Variants in OPHN1 observed in about 807,000 individuals in gnomAD.
OPHN1 encodes the protein oligophrenin-1.
OPHN1 carries 11 observed loss-of-function variants against 60.7 expected under a neutral mutation model. That is an observed-to-expected ratio of 0.18 (90% CI 0.11 to 0.30). The LOEUF (loss-of-function observed/expected upper bound fraction) is 0.30. Among genes scored for constraint, OPHN1 ranks in the 10% least tolerant of loss-of-function variants. The pLI is 1.00. For synonymous variants in OPHN1, 226 were observed against 222.6 expected (o/e 1.02, Z -0.14); for missense variants, 449 against 611.0 (o/e 0.73, Z 2.80).
At chrX:68,233,347 A>T (rs1284686902) in intron 6 of OPHN1, among the ~76,000 whole-genome samples, 1 of 112,267 alleles carries the variant, frequency 8.9e-6, no homozygotes, top group Non-Finnish European at 1.9e-5. Flanking sequence ...CATGGACAAG[A>T]TGACAGCTCC....
intron 5 of OPHN1, among the ~76,000 whole-genome samples, chrX:68,258,688 C>T (rs2077878483): frequency 9.1e-6 from 1 of 109,755 alleles, no homozygotes; most frequent in Admixed American, 9.8e-5. Context: ...ATAACATTAC[C>T]ACATCAGCTG....
intron 2 of OPHN1, among the ~76,000 whole-genome samples, chrX:68,376,874 T>C (rs1453811104): frequency 9.0e-6 from 1 of 111,101 alleles, no homozygotes; most frequent in Non-Finnish European, 1.9e-5. Context: ...TAACTTTTCA[T>C]ATTTGTAGAT....
chrX:68,298,941 G>A, intron 3 of OPHN1, 60 bp downstream of exon 3: 1 of 723,067 alleles, frequency 1.4e-6, no homozygotes, highest in Non-Finnish European at 2.1e-6. Context: ...AAATCAAAAA[G>A]ACTACATGGT....
At chrX:68,086,750 C>T (rs2076997324) in intron 19 of OPHN1, among the ~76,000 whole-genome samples, 1 of 111,826 alleles carries the variant, frequency 8.9e-6, no homozygotes, top group East Asian at 2.8e-4. Flanking sequence ...CATTTTCCCT[C>T]CTCTGGACAC....
In OPHN1 at chrX:68,398,099, C is replaced by A. The variant is rs747753674; in HGVS notation, c.154+34768G>T. Reference sequence around the variant, plus strand: ...GGGGGCACAAAATGCTGCAAAGAAACAGAAGCTGTCTTTGATCTTATATTG... The same window carrying A: ...GGGGGCACAAAATGCTGCAAAGAAAAAGAAGCTGTCTTTGATCTTATATTG... On this transcript the variant is annotated intron_variant, in intron 2 of 24. Coordinates refer to ENST00000355520, the MANE Select transcript of OPHN1 (RefSeq NM_002547.3). Among the ~76,000 whole-genome samples the A allele has an allele frequency of 1.4e-3, 152 of 111,721 alleles. 1 individual carries two copies. The highest frequency in any genetic ancestry group is 4.7e-3 in the African/African-American group (144 of 30,790).
intron 2 of OPHN1, among the ~76,000 whole-genome samples, chrX:68,394,643 T>G (rs1311440196): frequency 1.8e-5 from 2 of 111,997 alleles, no homozygotes; most frequent in Admixed American, 9.5e-5. Flanking sequence ...CATGTTAAGT[T>G]TTTTTTGTTT....
intron 2 of OPHN1, among the ~76,000 whole-genome samples, chrX:68,350,923 A>AAG (rs908287748): frequency 6.4e-5 from 7 of 110,059 alleles, no homozygotes; most frequent in Admixed American, 4.9e-4. Flanking sequence ...ATTTTTCTGA[A>AAG]ACTGTTTTTT....
At chrX:68,097,457 C>T (rs1470353268) in intron 18 of OPHN1, among the ~76,000 whole-genome samples, 1 of 110,871 alleles carries the variant, frequency 9.0e-6, no homozygotes, top group African/African-American at 3.3e-5. Flanking sequence ...TCCTGACCCC[C>T]GTTAGAGAAG....
At chrX:68,192,895 G>A (rs746233440) in intron 15 of OPHN1, 24 bp downstream of exon 15, 3 of 1,140,301 alleles carry the variant, frequency 2.6e-6, no homozygotes, top group African/African-American at 3.6e-5. Context: ...CTCCCAATAA[G>A]AATTATCAAA....
rs760691786 is a variant in OPHN1 at position 68,372,150 on chromosome X, C to CA, written c.154+60716dup. On this transcript the variant is annotated intron_variant, in intron 2 of 24. Transcript: ENST00000355520. ...ATTGAAACTTAAAAGATGCAAAAAG[C>CA]AATTCCATGAAAATAGTAACCAAAA... Among the ~76,000 whole-genome samples the CA allele has an allele frequency of 5.3e-4, 59 of 112,309 alleles. No homozygotes were observed. In the South Asian group the frequency reaches 0.021, roughly 39 times the overall value.
chrX:68,320,829 C>T (rs1256286397), intron 2 of OPHN1, among the ~76,000 whole-genome samples: 2 of 111,712 alleles, frequency 1.8e-5, no homozygotes, highest in South Asian at 7.6e-4. Flanking sequence ...GTACCCATTA[C>T]CCCCTCTTTG....
chrX:68,183,462 C>A (rs978197103), intron 15 of OPHN1, among the ~76,000 whole-genome samples: 8 of 111,888 alleles, frequency 7.2e-5, no homozygotes, highest in African/African-American at 2.6e-4. Flanking sequence ...CAACCCAACA[C>A]CCCTTTCTAC....
chrX:68,091,515 G>A (rs1170534222), intron 19 of OPHN1, among the ~76,000 whole-genome samples: 2 of 111,340 alleles, frequency 1.8e-5, no homozygotes, highest in African/African-American at 3.3e-5. Context: ...GAATGGAGCT[G>A]CAGAAATGCA....
At chrX:68,134,687 G>GC (rs754283246) in intron 15 of OPHN1, among the ~76,000 whole-genome samples, 39 of 109,973 alleles carry the variant, frequency 3.5e-4, no homozygotes, top group South Asian at 8.0e-4. Flanking sequence ...CTGGGCCAGG[G>GC]CCAGGCCCTG....
At chrX:68,371,787 C>T (rs746533872) in intron 2 of OPHN1, among the ~76,000 whole-genome samples, 2 of 112,383 alleles carry the variant, frequency 1.8e-5, no homozygotes, top group South Asian at 7.4e-4. Flanking sequence ...CCCGGGCTGC[C>T]GGGCTGGAGT....
rs1450571836 is a variant in OPHN1 at position 68,213,931 on chromosome X, C to A, written c.528G>T (p.Glu176Asp). 1 of 1,205,745 alleles carries A rather than the reference C, an allele frequency of 8.3e-7. No homozygotes were observed. Residue 176 changes from glutamate (E) to aspartate (D), a missense_variant, in exon 7 of 25, where the codon GAG (glutamate) becomes GAT (aspartate). Glu to Asp is a conservative substitution (Grantham distance 45). Transcript: ENST00000355520. The part of the protein sequence containing the change: ...QVDKERHNFF[E>D]SSLDYVYQIQ... ...TTTGATAAACATAATCAAGAGAGGA[C>A]TCGAAAAAATTGTGCCTCTCCTTGT...
rs1602290282 is a variant in OPHN1 at position 68,274,816 on chromosome X, A to G, written c.313-7T>C. 1 of 1,176,161 alleles carries G rather than the reference A, an allele frequency of 8.5e-7. No homozygotes were observed. The highest frequency in any genetic ancestry group is 3.0e-5 in the East Asian group (1 of 33,561). On this transcript the variant is annotated splice_region_variant and splice_polypyrimidine_tract_variant and intron_variant, in intron 4 of 24. Transcript: ENST00000355520. ...AATCACTAGCATTGTGTACCTAGAC[A>G]AAAAGGAAAAACAAACAAAACAATT... is the stretch of plus-strand genomic sequence containing the variant.
At chrX:68,080,371 C>T (rs1031348217) in intron 19 of OPHN1, among the ~76,000 whole-genome samples, 2 of 112,156 alleles carry the variant, frequency 1.8e-5, no homozygotes, top group Non-Finnish European at 3.8e-5. Context: ...GATCTATACA[C>T]AGAACACTTT....
chrX:68,399,407 T>C (rs2078701599), intron 2 of OPHN1, among the ~76,000 whole-genome samples: 1 of 111,732 alleles, frequency 8.9e-6, no homozygotes, highest in Non-Finnish European at 1.9e-5. Context: ...TCCCAGCACT[T>C]TGGGAGGCTG....
Sources: gnomAD v4.1 joint callset for allele counts (sites outside exome capture counted in the v4.1 genomes callset) on GRCh38, gnomAD v4.1.1 for gene constraint, MANE v1.5 for transcripts, NCBI Gene and HGNC (gene_info 2026-07-23, HGNC 2026-07-21) for gene names.